Variants in CASKIN1 observed in about 807,000 individuals in gnomAD.
CASKIN1 encodes the protein CASK interacting protein 1.
A neutral mutation model predicts 117.5 loss-of-function variants in CASKIN1; 42 were observed. That is an observed-to-expected ratio of 0.36 (90% CI 0.28 to 0.46). The LOEUF (loss-of-function observed/expected upper bound fraction) is 0.46, where lower values mean the gene tolerates loss of function less well. Ranked by LOEUF, CASKIN1 falls within the 20% of genes least tolerant of loss-of-function variation. CASKIN1 has a pLI of 1.00. For missense variants in CASKIN1, 2,083 were observed against 2,077.3 expected, an observed-to-expected ratio of 1.00 and a Z score of -0.05; for synonymous variants, 1,148 against 961.7, an observed-to-expected ratio of 1.19 and a Z score of -3.59.
At position 2,178,392 on chromosome 16, in the gene CASKIN1, C is replaced by T. The variant is rs1417300976; in HGVS notation, c.*158G>A. On this transcript the variant is annotated 3_prime_UTR_variant, in exon 20 of 20. Coordinates refer to ENST00000343516, the MANE Select transcript of CASKIN1 (RefSeq NM_020764.4). ...CCCTTGGAGCCCCCGGCCAGGCGGT[C>T]CCCGGTGGGCGCCCCGGCCCGGGTC... The T allele has an allele frequency of 2.1e-6, 1 of 487,714 alleles. No homozygotes were observed. The highest frequency in any genetic ancestry group is 3.9e-5 in the East Asian group (1 of 25,324). 30.2% of individuals were successfully genotyped at this position (487,714 alleles called of 1,614,324 possible).
At position 2,180,739 on chromosome 16, in the gene CASKIN1, T is replaced by A; in HGVS notation, c.2629A>T (p.Lys877Ter). The change falls in exon 18 of 20, where the codon AAG becomes TAG. Residue 877 changes from lysine (K) to a stop codon, truncating the protein, a stop_gained. Coordinates refer to ENST00000343516, the MANE Select transcript of CASKIN1 (RefSeq NM_020764.4). LOFTEE classifies it high-confidence loss of function. ...CGATTCAGGCTGTGGGCCCGCTTCT[T>A]GGGCCGCCCCGGCTCCGCGTCGGCC... ...PEADAEPGRP[K>*]KRAHSLNRYA... 6.9e-7 allele frequency: 1 copy of A among 1,443,616 alleles called. No individual in the cohort carries two copies. The highest frequency in any genetic ancestry group is 9.0e-7 in the Non-Finnish European group (1 of 1,106,018). 89.4% of individuals were successfully genotyped at this position (1,443,616 alleles called of 1,614,324 possible). A position where few individuals can be genotyped will look rare whatever the true frequency, so the allele number is the denominator to read the frequency against.
Position 2,196,369 on chromosome 16 carries a change from G to A in CASKIN1, c.64C>T (p.Leu22=). Reference sequence around the variant, plus strand: ...TTCCCGGGCCGCGGCCTCTGCAGCAGCCTCTGCGCGGTCCCTACGTCCTCC... The same window carrying A: ...TTCCCGGGCCGCGGCCTCTGCAGCAACCTCTGCGCGGTCCCTACGTCCTCC... The part of the protein sequence containing the change: ...KAEDVGTAQR[L]LQRPRPGKAK... Residue 22 remains leucine, a synonymous_variant, in exon 1 of 20, where the codon CTG becomes TTG. Transcript: ENST00000343516. This position sits in a 1 kb window ranked among gnomAD's most constrained non-coding sequence, Gnocchi z 5.7. 7.4e-7 allele frequency: 1 copy of A among 1,357,432 alleles called. No homozygotes were observed. The highest frequency in any genetic ancestry group is 9.6e-7 in the Non-Finnish European group (1 of 1,041,938). 84.1% of individuals were successfully genotyped at this position (1,357,432 alleles called of 1,614,324 possible).
rs372994764 is a variant in CASKIN1, at chr16:2,183,762, G to A, written c.1528-15C>T. ...GCCGTGAGGTCCTAGGCAGTGGGGA[G>A]GCTTGTCAGCTAGGGGCTGGGCCCA... On this transcript the variant is annotated splice_polypyrimidine_tract_variant and intron_variant, in intron 15 of 19. Transcript: ENST00000343516. The A allele has an allele frequency of 1.9e-6, 3 of 1,612,984 alleles. No individual in the cohort carries two copies. Among genetic ancestry groups the A allele is most frequent in the East Asian group, 2.2e-5 (1 of 44,884 alleles).
chr16:2,189,708 C>T, intron 3 of CASKIN1, 144 bp from the exon 4 acceptor site: 1 of 832,964 alleles, frequency 1.2e-6, no homozygotes, highest in Non-Finnish European at 1.8e-6. Flanking sequence ...TGACACCAAG[C>T]CCAACCCTTG....
Position 2,179,316 on chromosome 16 carries a change from C to G in CASKIN1, c.3785G>C (p.Arg1262Pro). 1 of 1,241,786 alleles carries G rather than the reference C, an allele frequency of 8.1e-7. No individual in the cohort carries two copies. The highest frequency in any genetic ancestry group is 1.0e-6 in the Non-Finnish European group (1 of 994,924). 76.9% of individuals were successfully genotyped at this position (1,241,786 alleles called of 1,614,324 possible). The change falls in exon 19 of 20, where the codon CGC becomes CCC. Residue 1262 changes from arginine (R) to proline (P), a missense_variant. Around this residue, in one of 3 missense-constraint regions of CASKIN1, gnomAD observed 1,818 missense variants for 1,688.9 expected, o/e 1.08. Coordinates refer to ENST00000343516, the MANE Select transcript of CASKIN1 (RefSeq NM_020764.4). This position sits in a 1 kb window ranked among gnomAD's most constrained non-coding sequence, Gnocchi z 5.8. ...CACGGGCGGTGGCGTGCCGTGGGCG[C>G]GCTTCACCTCTGCGGGGAGGACCAC... ...LPGPGSPEVK[R>P]AHGTPPPVSP... is the part of the protein sequence containing the mutation.
rs1440173660 is a variant in CASKIN1 at position 2,178,544 on chromosome 16, C to T, written c.*6G>A. The T allele has an allele frequency of 1.9e-6, 3 of 1,574,686 alleles. No individual in the cohort carries two copies. The highest frequency in any genetic ancestry group is 1.7e-5 in the Admixed American group (1 of 57,812). On this transcript the variant is annotated 3_prime_UTR_variant, in exon 20 of 20. Transcript: ENST00000343516. Reference sequence around the variant, plus strand: ...GGCGGCGCGGGAGGGCCCGGCCAGGCGGCGTTCACTCCAGCATGGCATCCA... The same window carrying T: ...GGCGGCGCGGGAGGGCCCGGCCAGGTGGCGTTCACTCCAGCATGGCATCCA...
rs201058231 is a variant in CASKIN1 at position 2,190,061 on chromosome 16, G to A, written c.244+12C>T. 5.3e-5 allele frequency: 80 copies of A among 1,519,984 alleles called. 1 individual carries two copies. The African/African-American group carries it at 6.3e-4, about 12-fold the overall frequency. The allele number at this position is 1,519,984 out of a possible 1,614,324, so 94.2% of individuals were successfully genotyped here. On this transcript the variant is annotated intron_variant, in intron 3 of 19. Transcript: ENST00000343516. ...GCCCCTGCCCCCACCAGAGGCCCTC[G>A]GCTAGTCTTGCCTTTGTTGTCCTTG...
rs1314627876 is a variant in CASKIN1 at position 2,186,831 on chromosome 16, A to G, written c.931-7T>C. 1 of 1,612,638 alleles carries G rather than the reference A, an allele frequency of 6.2e-7. No homozygotes were observed. The highest frequency in any genetic ancestry group is 1.7e-5 in the Admixed American group (1 of 60,002). On this transcript the variant is annotated splice_polypyrimidine_tract_variant and splice_region_variant and intron_variant, in intron 9 of 19. Coordinates refer to ENST00000343516, the MANE Select transcript of CASKIN1 (RefSeq NM_020764.4). Reference sequence around the variant, plus strand: ...CCGGATGCTGCTCGAGGACCTGGCCAGTAAGGTGGGGGGCGCTCAGGGAGA... The same window carrying G: ...CCGGATGCTGCTCGAGGACCTGGCCGGTAAGGTGGGGGGCGCTCAGGGAGA...
At chr16:2,187,977 G>A (rs887353568) in intron 6 of CASKIN1, among the ~76,000 whole-genome samples, 6 of 150,246 alleles carry the variant, frequency 4.0e-5, no homozygotes, top group Non-Finnish European at 5.9e-5. Context: ...TCAAACTCCC[G>A]GCCTCAAGCA....
intron 2 of CASKIN1, 58 bp from the exon 3 acceptor site, chr16:2,190,228 C>T (rs1302175116): frequency 1.9e-6 from 3 of 1,597,024 alleles, no homozygotes; most frequent in East Asian, 4.6e-5. Flanking sequence ...CTTCCCGGCA[C>T]CCTGCCCTCC....
Position 2,181,769 on chromosome 16 carries a change from AGGGCTGG to A in CASKIN1, c.1768+15_1768+21del, listed in dbSNP as rs767176412. On this transcript the variant is annotated intron_variant, in intron 17 of 19. Coordinates refer to ENST00000343516, the MANE Select transcript of CASKIN1 (RefSeq NM_020764.4). ...TGGGCTGAGGGTTGGGCTGGGGACG[AGGGCTGG>A]GGCTGGGGCCTCACCCAGCTTGGTG... The A allele has an allele frequency of 1.1e-5, 17 of 1,602,232 alleles. No homozygotes were observed. Among genetic ancestry groups the A allele is most frequent in the Non-Finnish European group, 1.4e-5 (17 of 1,175,032 alleles).
Position 2,190,028 on chromosome 16 carries a change from C to T in CASKIN1, c.244+45G>A, listed in dbSNP as rs374924081. 7.3e-6 allele frequency: 11 copies of T among 1,514,130 alleles called. No homozygotes were observed. In the African/African-American group the frequency reaches 9.6e-5, roughly 13 times the overall value. The allele number at this position is 1,514,130 out of a possible 1,614,324, so 93.8% of individuals were successfully genotyped here. ...TGCAGGCCCTGGGGAGCCCCCCTCGCTGCCCCCGCCCCTGCCCCCACCAGA... is the reference window on the plus strand; with the variant it reads ...TGCAGGCCCTGGGGAGCCCCCCTCGTTGCCCCCGCCCCTGCCCCCACCAGA... On this transcript the variant is annotated intron_variant, in intron 3 of 19. Transcript: ENST00000343516.
chr16:2,187,504 A>AGGCC, intron 6 of CASKIN1, 43 bp from the exon 7 acceptor site: 1 of 1,540,876 alleles, frequency 6.5e-7, no homozygotes, highest in African/African-American at 1.4e-5. Context: ...TTCCAGCAGG[A>AGGCC]GGCCGGCCCC....
intron 14 of CASKIN1, among the ~76,000 whole-genome samples, chr16:2,184,376 A>G (rs2093177379): frequency 6.6e-6 from 1 of 152,070 alleles, no homozygotes; most frequent in African/African-American, 2.4e-5. Flanking sequence ...TGCCTCCTCC[A>G]CCGTGCAGGA....
chr16:2,178,622 A>C lies in CASKIN1; in HGVS notation c.4224T>G (p.Thr1408=). Residue 1408 remains threonine, a synonymous_variant, in exon 20 of 20, where the codon ACT becomes ACG. Coordinates refer to ENST00000343516, the MANE Select transcript of CASKIN1 (RefSeq NM_020764.4). ...TGCCGATGTCGTCCAGGATGCTGCC[A>C]GTGCTCTTTTCCGCCGCCGAGTCGC... ...GPRDSAAEKS[T]GSILDDIGSM... is the part of the protein sequence containing the mutation. 5 of 1,594,946 alleles carry C rather than the reference A, an allele frequency of 3.1e-6. No individual in the cohort carries two copies. The highest frequency in any genetic ancestry group is 4.3e-6 in the Non-Finnish European group (5 of 1,175,286).
chr16:2,185,451 G>A, intron 10 of CASKIN1, 43 bp from the exon 11 acceptor site: 1 of 1,514,088 alleles, frequency 6.6e-7, no homozygotes, highest in Non-Finnish European at 8.9e-7. Flanking sequence ...GCCAGCGATG[G>A]CGGGTACTGA....
rs1225162256 is a variant in CASKIN1 at position 2,181,125 on chromosome 16, C to T, written c.2243G>A (p.Gly748Asp). The change falls in exon 18 of 20, where the codon GGC becomes GAC. Residue 748 changes from glycine (G) to aspartate (D), a missense_variant. By Grantham distance (94) the Gly-to-Asp change is moderately conservative. Around this residue, in one of 3 missense-constraint regions of CASKIN1, gnomAD observed 1,818 missense variants for 1,688.9 expected, o/e 1.08. Transcript: ENST00000343516. ...PPREARPGRHGHSIKRASVPP... is the reference protein window; with the variant it reads ...PPREARPGRHDHSIKRASVPP... The stretch of plus-strand genomic sequence containing the variant: ...CACGCTGGCCCTCTTGATGCTGTGG[C>T]CGTGGCGGCCGGGCCGGGCCTCCCT... 2 of 1,478,204 alleles carry T rather than the reference C, an allele frequency of 1.4e-6. No homozygotes were observed. Among genetic ancestry groups the T allele is most frequent in the East Asian group, 2.4e-5 (1 of 42,278 alleles). 91.6% of individuals were successfully genotyped at this position (1,478,204 alleles called of 1,614,324 possible).
At chr16:2,185,447 G>T (rs759419961) in intron 10 of CASKIN1, 39 bp from the exon 11 acceptor site, 5 of 1,527,606 alleles carry the variant, frequency 3.3e-6, no homozygotes, top group African/African-American at 1.4e-5. Flanking sequence ...CTGGGCCAGC[G>T]ATGGCGGGTA....
Position 2,179,387 on chromosome 16 carries a change from C to G in CASKIN1, c.3776-62G>C. 7.5e-7 allele frequency: 1 copy of G among 1,336,966 alleles called. No individual in the cohort carries two copies. The highest frequency in any genetic ancestry group is 9.5e-7 in the Non-Finnish European group (1 of 1,050,700). 82.8% of individuals were successfully genotyped at this position (1,336,966 alleles called of 1,614,324 possible). On this transcript the variant is annotated intron_variant, in intron 18 of 19. Transcript: ENST00000343516. This position sits in a 1 kb window ranked among gnomAD's most constrained non-coding sequence, Gnocchi z 5.8. ...AGTTCCGCCGCCGCGCCCCCTGCCCCAGCCTCCCGCGGCTTCCTCCCCAGC... is the reference window on the plus strand; with the variant it reads ...AGTTCCGCCGCCGCGCCCCCTGCCCGAGCCTCCCGCGGCTTCCTCCCCAGC...
Sources: allele counts gnomAD v4.1 joint callset (sites outside exome capture counted in the v4.1 genomes callset), GRCh38; gene constraint gnomAD v4.1.1; regional missense constraint gnomAD v4.1.1; non-coding constraint Gnocchi (gnomAD v3.1); transcripts MANE v1.5; gene names NCBI Gene and HGNC (gene_info 2026-07-23, HGNC 2026-07-21).